Variants in PPP3CA observed in about 807,000 individuals in gnomAD.
PPP3CA encodes CAM-PRP catalytic subunit.
PPP3CA carries 14 observed loss-of-function variants against 66.5 expected under a neutral mutation model. The observed-to-expected ratio is 0.21, with a 90% CI of 0.14 to 0.33. The LOEUF (loss-of-function observed/expected upper bound fraction) is 0.33. PPP3CA is among the 10% of genes least tolerant of loss of function. The pLI, the probability that PPP3CA is intolerant of heterozygous loss-of-function variation, is 1.00. For synonymous variants in PPP3CA, 232 were observed against 226.2 expected, an observed-to-expected ratio of 1.03 and a Z score of -0.23; for missense variants, 317 against 639.5, an observed-to-expected ratio of 0.50 and a Z score of 5.44.
At chr4:101,256,743 A>G (rs1726855591) in intron 1 of PPP3CA, among the ~76,000 whole-genome samples, 1 of 152,044 alleles carries the variant, frequency 6.6e-6, no homozygotes, top group Non-Finnish European at 1.5e-5. Context: ...GTTCCCTGAG[A>G]AGCACTGTAA....
At chr4:101,217,927 G>A (rs1725504273) in intron 1 of PPP3CA, among the ~76,000 whole-genome samples, 2 of 152,042 alleles carry the variant, frequency 1.3e-5, no homozygotes, top group African/African-American at 4.8e-5. Context: ...GCATGGGGTA[G>A]ACACAGGCCA....
intron 2 of PPP3CA, among the ~76,000 whole-genome samples, chr4:101,117,530 CCA>C (rs1721881244): frequency 6.6e-6 from 1 of 151,288 alleles, no homozygotes; most frequent in Non-Finnish European, 1.5e-5. Context: ...CCATCTGATA[CCA>C]CTATTTTTCC....
chr4:101,263,513 C>T (rs1473021777), intron 1 of PPP3CA, among the ~76,000 whole-genome samples: 1 of 151,972 alleles, frequency 6.6e-6, no homozygotes, highest in Non-Finnish European at 1.5e-5. Context: ...AAGGTGTGTT[C>T]CTTACTGTCA....
intron 1 of PPP3CA, among the ~76,000 whole-genome samples, chr4:101,264,547 A>G (rs1727110964): frequency 6.6e-6 from 1 of 152,222 alleles, no homozygotes; most frequent in Non-Finnish European, 1.5e-5. Flanking sequence ...TTTTGAGACC[A>G]GCAAGCAATT....
Position 101,024,574 on chromosome 4 carries a change from T to C in PPP3CA, c.*1291A>G, listed in dbSNP as rs957406331. Reference sequence around the variant, plus strand: ...TACAAAGGGAAAAAAGTGAAAAAAGTACATATTTTGTGGCACATGACAGAA... The same window carrying C: ...TACAAAGGGAAAAAAGTGAAAAAAGCACATATTTTGTGGCACATGACAGAA... On this transcript the variant is annotated 3_prime_UTR_variant, in exon 14 of 14. Coordinates refer to ENST00000394854, the MANE Select transcript of PPP3CA (RefSeq NM_000944.5). 5 of 152,580 alleles carry C rather than the reference T, an allele frequency of 3.3e-5. No individual in the cohort carries two copies. Among genetic ancestry groups the C allele is most frequent in the Admixed American group, 3.3e-4 (5 of 15,274 alleles). The allele number at this position is 152,580 out of a possible 1,614,324, so 9.5% of individuals were successfully genotyped here.
At chr4:101,209,282 A>AT (rs1044275197) in intron 1 of PPP3CA, among the ~76,000 whole-genome samples, 4 of 152,136 alleles carry the variant, frequency 2.6e-5, no homozygotes, top group Admixed American at 2.6e-4. Flanking sequence ...GTTACATTGC[A>AT]TTTTTTTAAA....
intron 1 of PPP3CA, among the ~76,000 whole-genome samples, chr4:101,300,318 G>A (rs1206137950): frequency 6.6e-6 from 1 of 152,142 alleles, no homozygotes; most frequent in Non-Finnish European, 1.5e-5. Flanking sequence ...AACAGGTTTA[G>A]TCAGAAAAGC....
At chr4:101,196,740 G>A (rs995516776) in intron 1 of PPP3CA, among the ~76,000 whole-genome samples, 4 of 152,142 alleles carry the variant, frequency 2.6e-5, no homozygotes, top group Non-Finnish European at 5.9e-5. Flanking sequence ...AGGATGTCAG[G>A]GACGAGATAC....
chr4:101,056,902 C>T (rs902556783), intron 10 of PPP3CA, among the ~76,000 whole-genome samples: 1 of 151,404 alleles, frequency 6.6e-6, no homozygotes, highest in Non-Finnish European at 1.5e-5. Context: ...CAAAGAAAAC[C>T]AAGGATTTCT....
At position 101,289,049 on chromosome 4, in the gene PPP3CA, T is replaced by A. The variant is rs572110962; in HGVS notation, c.58+57690A>T. The stretch of plus-strand genomic sequence containing the variant: ...AGCTCTTACTTACCGGTTTCAATTT[T>A]AAAAAAAAGAAAAATGACACTGGTC... On this transcript the variant is annotated intron_variant, in intron 1 of 13. Coordinates refer to ENST00000394854, the MANE Select transcript of PPP3CA (RefSeq NM_000944.5). Among the ~76,000 whole-genome samples, 27 of 151,932 alleles carry A rather than the reference T, an allele frequency of 1.8e-4. 1 individual carries two copies. Among genetic ancestry groups the A allele is most frequent in the Admixed American group, 3.9e-4 (6 of 15,262 alleles).
intron 2 of PPP3CA, among the ~76,000 whole-genome samples, chr4:101,181,631 C>T (rs980378284): frequency 6.6e-6 from 1 of 152,058 alleles, no homozygotes; most frequent in Non-Finnish European, 1.5e-5. Flanking sequence ...CTATACTTTG[C>T]AGCCAGACCA....
chr4:101,310,891 A>G (rs112609442), intron 1 of PPP3CA, among the ~76,000 whole-genome samples: 152 of 152,314 alleles, frequency 1.0e-3, no homozygotes, highest in African/African-American at 3.4e-3. Flanking sequence ...GAAAGCAGCA[A>G]ACAACTTCAA....
intron 8 of PPP3CA, among the ~76,000 whole-genome samples, chr4:101,069,680 T>C (rs1360722086): frequency 6.6e-6 from 1 of 152,176 alleles, no homozygotes; most frequent in Non-Finnish European, 1.5e-5. Flanking sequence ...TTTGCCACCC[T>C]TGAGACAGCA....
intron 1 of PPP3CA, among the ~76,000 whole-genome samples, chr4:101,209,972 A>C (rs751102979): frequency 1.3e-5 from 2 of 152,218 alleles, no homozygotes; most frequent in Non-Finnish European, 2.9e-5. Context: ...GGAAAAGCAA[A>C]GCTGAGTAAA....
chr4:101,031,102 T>C (rs1169219600), intron 12 of PPP3CA, among the ~76,000 whole-genome samples: 2 of 152,080 alleles, frequency 1.3e-5, no homozygotes, highest in East Asian at 1.9e-4. Context: ...ATTCGGAATA[T>C]ATTCATCTGA....
intron 1 of PPP3CA, among the ~76,000 whole-genome samples, chr4:101,291,729 T>C (rs1366858064): frequency 6.6e-6 from 1 of 152,174 alleles, no homozygotes; most frequent in Admixed American, 6.5e-5. Context: ...CAGAGTGATA[T>C]GCAGGAGACA....
intron 1 of PPP3CA, among the ~76,000 whole-genome samples, chr4:101,196,618 A>C (rs1320578720): frequency 6.6e-6 from 1 of 152,198 alleles, no homozygotes; most frequent in Non-Finnish European, 1.5e-5. Flanking sequence ...AGAAAACAGC[A>C]GGAATCTGAA....
chr4:101,230,967 G>A (rs1184653344), intron 1 of PPP3CA, among the ~76,000 whole-genome samples: 1 of 151,602 alleles, frequency 6.6e-6, no homozygotes, highest in African/African-American at 2.4e-5. Flanking sequence ...CTCATAATCT[G>A]TCTTTCATGA....
At chr4:101,030,726 T>C (rs935272601) in intron 12 of PPP3CA, among the ~76,000 whole-genome samples, 4 of 152,124 alleles carry the variant, frequency 2.6e-5, no homozygotes, top group Admixed American at 6.5e-5. Context: ...CACTGACATA[T>C]TAGAACTATG....
Sources: allele counts gnomAD v4.1 joint callset (sites outside exome capture counted in the v4.1 genomes callset), GRCh38; gene constraint gnomAD v4.1.1; transcripts MANE v1.5; gene names NCBI Gene and HGNC (gene_info 2026-07-23, HGNC 2026-07-21).